The following AGBL1 variants were observed in gnomAD, a reference collection of about 807,000 sequenced individuals.
AGBL1 encodes the protein cytosolic carboxypeptidase 4.
Under a neutral mutation model 118.9 loss-of-function variants are expected in AGBL1, and 130 were observed. That is an observed-to-expected ratio of 1.09 (90% confidence interval 0.95 to 1.26). The LOEUF (loss-of-function observed/expected upper bound fraction) is 1.26, where lower values mean the gene tolerates loss of function less well. Ranked by LOEUF, AGBL1 falls within the 50% of genes most tolerant of loss-of-function variation. The probability of loss-of-function intolerance (pLI) is 0.00; values close to 1 mark genes in which losing one functional copy is unlikely to be tolerated. For missense variants in AGBL1, 1,584 were observed against 1,298.1 expected (o/e 1.22, Z -3.38); for synonymous variants, 555 against 478.9 (o/e 1.16, Z -2.08).
intron 17 of AGBL1, among the ~76,000 whole-genome samples, chr15:86,314,688 A>C (rs1567194601): frequency 6.6e-6 from 1 of 152,182 alleles, no homozygotes; most frequent in African/African-American, 2.4e-5. Flanking sequence ...CGCTTGTAAC[A>C]GTGACTGGCT....
intron 23 of AGBL1, among the ~76,000 whole-genome samples, chr15:86,978,272 G>A (rs573589902): frequency 6.6e-6 from 1 of 152,144 alleles, no homozygotes; most frequent in African/African-American, 2.4e-5. Flanking sequence ...AATGAAAGTA[G>A]ATCTTCTTCC....
At chr15:86,226,122 A>G (rs930157017) in intron 6 of AGBL1, among the ~76,000 whole-genome samples, 3 of 152,154 alleles carry the variant, frequency 2.0e-5, no homozygotes, top group Admixed American at 6.5e-5. Context: ...GGGAGTGAAG[A>G]GGAAGGGCTT....
intron 19 of AGBL1, 54 bp downstream of exon 19, chr15:86,522,993 G>T (rs2083210746): frequency 2.5e-6 from 4 of 1,572,794 alleles, no homozygotes; most frequent in Non-Finnish European, 3.5e-6. Context: ...CTACCTTCCA[G>T]GAAGCAGAGT....
intron 23 of AGBL1, among the ~76,000 whole-genome samples, chr15:86,979,425 G>C (rs983557535): frequency 2.0e-5 from 3 of 152,110 alleles, no homozygotes; most frequent in Non-Finnish European, 4.4e-5. Context: ...TAGATTATTT[G>C]AAAACACACA....
chr15:86,541,497 C>A (rs1309425744), intron 19 of AGBL1, among the ~76,000 whole-genome samples: 6 of 148,232 alleles, frequency 4.0e-5, no homozygotes, highest in Non-Finnish European at 7.4e-5. Flanking sequence ...GAGGCTGAGG[C>A]AGGAAGATAA....
chr15:86,342,091 G>C (rs138829995), intron 17 of AGBL1, among the ~76,000 whole-genome samples: 4 of 152,120 alleles, frequency 2.6e-5, no homozygotes, highest in Non-Finnish European at 4.4e-5. Flanking sequence ...GAAGATGAAC[G>C]CTTTCTCAAT....
intron 17 of AGBL1, chr15:86,296,248 A>C (rs2079639114): frequency 6.6e-6 from 1 of 151,960 alleles, no homozygotes; most frequent in South Asian, 2.1e-4. Flanking sequence ...CAAAAAAAAA[A>C]CACCCAAAGA....
chr15:86,945,152 G>C (rs1225668487), intron 23 of AGBL1, among the ~76,000 whole-genome samples: 5 of 149,738 alleles, frequency 3.3e-5, no homozygotes, highest in Non-Finnish European at 7.4e-5. Context: ...GGCTGAGGCA[G>C]GAGGATCGCC....
At chr15:86,249,894 G>C (rs1035221022) in intron 7 of AGBL1, among the ~76,000 whole-genome samples, 22 of 152,192 alleles carry the variant, frequency 1.4e-4, no homozygotes, top group African/African-American at 4.6e-4. Context: ...CTGTGCACAG[G>C]TTCTTCAAAA....
intron 23 of AGBL1, among the ~76,000 whole-genome samples, chr15:86,974,434 A>T (rs1198188395): frequency 7.8e-6 from 1 of 128,432 alleles, no homozygotes; most frequent in Non-Finnish European, 1.6e-5. Flanking sequence ...TATATATTAA[A>T]TATAAACATA....
Position 86,572,942 on chromosome 15 carries a change from C to A in AGBL1, c.2994+18405C>A, listed in dbSNP as rs1316628705. 5.9e-5 allele frequency among the ~76,000 whole-genome samples: 9 copies of A among 152,238 alleles called. No individual in the cohort carries two copies. In the East Asian group the frequency reaches 1.7e-3, roughly 29 times the overall value. On this transcript the variant is annotated intron_variant, in intron 21 of 22. Transcript: ENST00000614907. ...CCATTTCTGCAATCTAATAGAGCAG[C>A]CTTAAGAATCATCTCTATTTCTAAC...
chr15:86,221,810 G>A (rs1267897809), intron 5 of AGBL1, among the ~76,000 whole-genome samples: 1 of 151,882 alleles, frequency 6.6e-6, no homozygotes, highest in Admixed American at 6.6e-5. Context: ...ACAAGTGTAT[G>A]TTCATGCATT....
At chr15:86,469,747 TTG>T (rs1191681434) in intron 18 of AGBL1, among the ~76,000 whole-genome samples, 1 of 152,184 alleles carries the variant, frequency 6.6e-6, no homozygotes, top group African/African-American at 2.4e-5. Flanking sequence ...TTGTTATATT[TTG>T]TCTTTTTGTT....
intron 5 of AGBL1, among the ~76,000 whole-genome samples, chr15:86,199,679 A>G (rs1347350484): frequency 6.6e-6 from 1 of 152,220 alleles, no homozygotes; most frequent in Non-Finnish European, 1.5e-5. Context: ...CCTTCTAGCT[A>G]CGTGGCTTGA....
At chr15:86,881,883 C>G (rs1030200974) in intron 22 of AGBL1, among the ~76,000 whole-genome samples, 1 of 152,150 alleles carries the variant, frequency 6.6e-6, no homozygotes, top group African/African-American at 2.4e-5. Context: ...CTCATGAGAA[C>G]TCACTCACTA....
At chr15:86,361,195 T>A (rs1296141203) in intron 17 of AGBL1, among the ~76,000 whole-genome samples, 1 of 152,070 alleles carries the variant, frequency 6.6e-6, no homozygotes, top group Non-Finnish European at 1.5e-5. Flanking sequence ...TTTTAACATT[T>A]TAAAAATTTT....
intron 24 of AGBL1, among the ~76,000 whole-genome samples, chr15:87,023,117 G>A (rs573603097): frequency 2.0e-5 from 3 of 151,916 alleles, no homozygotes; most frequent in Non-Finnish European, 4.4e-5. Context: ...TGAATGGAAT[G>A]GTACCTCACA....
chr15:86,749,942 A>G (rs1285264899), intron 22 of AGBL1, among the ~76,000 whole-genome samples: 1 of 152,096 alleles, frequency 6.6e-6, no homozygotes, highest in Non-Finnish European at 1.5e-5. Context: ...TTGCAACGAT[A>G]TTCATCAGGG....
At chr15:86,977,902 T>A (rs1050530853) in intron 23 of AGBL1, among the ~76,000 whole-genome samples, 1 of 152,092 alleles carries the variant, frequency 6.6e-6, no homozygotes, top group African/African-American at 2.4e-5. Flanking sequence ...TTAAGTTGAT[T>A]GTGGAGCCCC....
Sources: gnomAD v4.1 joint callset for allele counts (sites outside exome capture counted in the v4.1 genomes callset) on GRCh38, gnomAD v4.1.1 for gene constraint, MANE v1.5 for transcripts, NCBI Gene and HGNC (gene_info 2026-07-23, HGNC 2026-07-21) for gene names.